Variants in ZNF718 observed in about 807,000 individuals in gnomAD.
ZNF718 encodes the protein zinc finger protein 718.
ZNF718 carries 3 observed loss-of-function variants against 2.6 expected under a neutral mutation model. The observed-to-expected ratio is 1.16, with a 90% confidence interval of 0.53 to 3.01. ZNF718 has a LOEUF of 3.01. Among genes scored for constraint, ZNF718 ranks in the 30% most tolerant of loss-of-function variants. The pLI, the probability that ZNF718 is intolerant of heterozygous loss-of-function variation, is 0.03. For synonymous variants in ZNF718, 135 were observed against 77.9 expected (o/e 1.73, Z -3.86); for missense variants, 468 against 230.0 (o/e 2.03, Z -6.69).
At chr4:146,060 A>G (rs1304122889) in intron 3 of ZNF718, among the ~76,000 whole-genome samples, 1 of 140,046 alleles carries the variant, frequency 7.1e-6, no homozygotes, top group African/African-American at 2.7e-5. Context: ...ATGCACCATA[A>G]TTAGTGATAT....
downstream of ZNF718, among the ~76,000 whole-genome samples, chr4:165,756 G>A (rs570064592): frequency 8.5e-5 from 13 of 152,280 alleles, no homozygotes; most frequent in East Asian, 7.7e-4. Flanking sequence ...CTGAGATGGC[G>A]TCACTGCACT....
In ZNF718 at chr4:124,658, C is replaced by G. The variant is rs1340945034; in HGVS notation, c.-13C>G. 2 of 1,608,636 alleles carry G rather than the reference C, an allele frequency of 1.2e-6. No homozygotes were observed. The highest frequency in any genetic ancestry group is 8.5e-7 in the Non-Finnish European group (1 of 1,179,738). ...TCGTATCTAAGACTCTGGGACACTC[C>G]TGAAGTCGGGAAATGGTGAGTGTGC... On this transcript the variant is annotated 5_prime_UTR_variant, in exon 1 of 4. Coordinates refer to ENST00000510175, the MANE Select transcript of ZNF718 (RefSeq NM_001039127.6).
At chr4:140,059 G>A (rs559328077) in intron 3 of ZNF718, among the ~76,000 whole-genome samples, 3 of 151,980 alleles carry the variant, frequency 2.0e-5, no homozygotes, top group Non-Finnish European at 4.4e-5. Context: ...CGATCCCTAT[G>A]TGTGGCGCAG....
chr4:135,039 C>G (rs962915832), intron 3 of ZNF718, among the ~76,000 whole-genome samples: 1 of 152,074 alleles, frequency 6.6e-6, no homozygotes, highest in Admixed American at 6.5e-5. Context: ...GTCAAGAGAT[C>G]AAGACCATCC....
At chr4:181,096 A>C (rs144942245) in intron 3 of ZNF718, among the ~76,000 whole-genome samples, 112 of 149,934 alleles carry the variant, frequency 7.5e-4, no homozygotes, top group African/African-American at 2.6e-3. Flanking sequence ...ATTGTGGCAC[A>C]CTGCAGCCTC....
Position 137,659 on chromosome 4 carries a change from C to T in ZNF718, c.226+6154C>T, listed in dbSNP as rs192008580. ...TTTATTCTTTGGAGAAACATTTTCACCTCCTGTTCATTTGTTAATCATATT... is the reference window on the plus strand; with the variant it reads ...TTTATTCTTTGGAGAAACATTTTCATCTCCTGTTCATTTGTTAATCATATT... On this transcript the variant is annotated intron_variant, in intron 3 of 3. Transcript: ENST00000510175. Among the ~76,000 whole-genome samples the T allele has an allele frequency of 2.1e-3, 325 of 152,160 alleles. 1 individual carries two copies. The highest frequency in any genetic ancestry group is 2.5e-3 in the Non-Finnish European group (172 of 68,002).
rs1181015749 is a variant in ZNF718, at chr4:127,147, TTTC to T, written c.3+2475_3+2477del. Among the ~76,000 whole-genome samples the T allele has an allele frequency of 5.5e-5, 2 of 36,504 alleles. 1 individual carries two copies. The highest frequency in any genetic ancestry group is 7.2e-3 in the East Asian group (2 of 276). The allele number at this position is 36,504 out of a possible 152,430, so 23.9% of individuals were successfully genotyped here. A position where few individuals can be genotyped will look rare whatever the true frequency, so the allele number is the denominator to read the frequency against. ...CTGAAAATTTTTCTTTTAGTCATAT[TTTC>T]CATGCACTGTTTAGAAGTACTGGAC... On this transcript the variant is annotated intron_variant, in intron 1 of 3. Transcript: ENST00000510175.
At chr4:189,612 A>G (rs1717653686) in intron 3 of ZNF718, among the ~76,000 whole-genome samples, 1 of 152,102 alleles carries the variant, frequency 6.6e-6, no homozygotes, top group South Asian at 2.1e-4. Context: ...TGAAGGTTTT[A>G]TTTATTTTTC....
rs1363001080 is a variant in ZNF718, at chr4:133,004, C to G, written c.226+1499C>G. Among the ~76,000 whole-genome samples, 2 of 94,102 alleles carry G rather than the reference C, an allele frequency of 2.1e-5. 1 individual carries two copies. The highest frequency in any genetic ancestry group is 2.4e-4 in the Admixed American group (2 of 8,272). 61.7% of individuals were successfully genotyped at this position (94,102 alleles called of 152,430 possible). ...CCAGCCTGGCAAGCATGGTGAAACC[C>G]CATCTCTACTAAAAATACAAAAATT... On this transcript the variant is annotated intron_variant, in intron 3 of 3. Coordinates refer to ENST00000510175, the MANE Select transcript of ZNF718 (RefSeq NM_001039127.6).
intron 3 of ZNF718, among the ~76,000 whole-genome samples, chr4:134,097 C>T (rs1715448459): frequency 6.6e-6 from 1 of 152,178 alleles, no homozygotes; most frequent in Admixed American, 6.5e-5. Flanking sequence ...ATTTTCCACC[C>T]TCAGGCACTA....
downstream of ZNF718, among the ~76,000 whole-genome samples, chr4:164,657 C>T (rs1225636213): frequency 2.0e-5 from 3 of 152,100 alleles, no homozygotes; most frequent in Admixed American, 2.0e-4. Context: ...AAGATGTTCA[C>T]AATGTGTGTG....
rs180949999 is a variant in ZNF718, at chr4:149,128, C to T, written c.227-11784C>T. On this transcript the variant is annotated intron_variant, in intron 3 of 3. Transcript: ENST00000510175. Reference sequence around the variant, plus strand: ...ATTCTGCCATCTTGCTATGTCACTCCCCTTGTATGTTTCACTTTCTGATAT... The same window carrying T: ...ATTCTGCCATCTTGCTATGTCACTCTCCTTGTATGTTTCACTTTCTGATAT... Among the ~76,000 whole-genome samples, 43 of 152,202 alleles carry T rather than the reference C, an allele frequency of 2.8e-4. 1 individual carries two copies. The East Asian group carries it at 6.8e-3, about 24-fold the overall frequency.
At chr4:134,296 G>A (rs552524393) in intron 3 of ZNF718, among the ~76,000 whole-genome samples, 6 of 151,992 alleles carry the variant, frequency 3.9e-5, no homozygotes, top group Admixed American at 2.0e-4. Flanking sequence ...ACAGGTGCCC[G>A]CCACCACGCC....
chr4:167,216 GTTT>G (rs1553817055), downstream of ZNF718, among the ~76,000 whole-genome samples: 2 of 152,096 alleles, frequency 1.3e-5, no homozygotes, highest in Non-Finnish European at 2.9e-5. Context: ...CTATATCTCT[GTTT>G]TGGTACCAGT....
chr4:124,543 A>G lies in ZNF718; in HGVS notation c.-128A>G, dbSNP rs1302231526. On this transcript the variant is annotated 5_prime_UTR_variant, in exon 1 of 4. Coordinates refer to ENST00000510175, the MANE Select transcript of ZNF718 (RefSeq NM_001039127.6). ...CCAGCCAGAGCTCGGTTAGGGCCTC[A>G]TCGCTCTGCTCCCGCTCCTTAGGGA... 12 of 1,385,310 alleles carry G rather than the reference A, an allele frequency of 8.7e-6. No individual in the cohort carries two copies. Among genetic ancestry groups the G allele is most frequent in the Admixed American group, 3.4e-5 (2 of 58,884 alleles). The allele number at this position is 1,385,310 out of a possible 1,614,324, so 85.8% of individuals were successfully genotyped here.
rs782047338 is a variant in ZNF718, at chr4:161,755, A to G, written c.1070A>G (p.His357Arg). The change falls in exon 4 of 4, where the codon CAT becomes CGT. Residue 357 changes from histidine to arginine, a missense_variant. Coordinates refer to ENST00000510175, the MANE Select transcript of ZNF718 (RefSeq NM_001039127.6). ...AATAGGTCCACAACTCTTACGACACATAAGAGAATCCATACTGGAGAGAAA... is the reference window on the plus strand; with the variant it reads ...AATAGGTCCACAACTCTTACGACACGTAAGAGAATCCATACTGGAGAGAAA... ...SFNRSTTLTT[H>R]KRIHTGEKPY... The G allele has an allele frequency of 7.7e-6, 6 of 780,490 alleles. No individual in the cohort carries two copies. The highest frequency in any genetic ancestry group is 4.0e-5 in the South Asian group (3 of 74,588). The allele number at this position is 780,490 out of a possible 1,614,324, so 48.3% of individuals were successfully genotyped here.
chr4:197,377 G>A (rs1553822209), intron 3 of ZNF718, among the ~76,000 whole-genome samples: 1 of 152,114 alleles, frequency 6.6e-6, no homozygotes, highest in Non-Finnish European at 1.5e-5. Context: ...CAAAGCTTGG[G>A]TCAGAACTGG....
intron 3 of ZNF718, among the ~76,000 whole-genome samples, chr4:133,403 C>G (rs187974182): frequency 6.6e-6 from 1 of 152,010 alleles, no homozygotes; most frequent in African/African-American, 2.4e-5. Context: ...CATCAACCAG[C>G]TTAGAACATT....
At position 162,071 on chromosome 4, in the gene ZNF718, G is replaced by C. The variant is rs1553815582; in HGVS notation, c.1386G>C (p.Gln462His). The C allele has an allele frequency of 1.3e-6, 1 of 773,508 alleles. No individual in the cohort carries two copies. The highest frequency in any genetic ancestry group is 1.7e-5 in the African/African-American group (1 of 58,808). The allele number at this position is 773,508 out of a possible 1,614,324, so 47.9% of individuals were successfully genotyped here. A position where few individuals can be genotyped will look rare whatever the true frequency, so the allele number is the denominator to read the frequency against. The change falls in exon 4 of 4, where the codon CAG becomes CAC. Residue 462 changes from glutamine to histidine, a missense_variant. Transcript: ENST00000510175. ...AAGAATGCGGGAAAGCTTTTAAGCA[G>C]TACTCCAACCTTCCTCAACATAAGA... is the stretch of plus-strand genomic sequence containing the variant. The part of the protein sequence containing the change: ...KCKECGKAFK[Q>H]YSNLPQHKRT...
Sources: allele counts gnomAD v4.1 joint callset (sites outside exome capture counted in the v4.1 genomes callset), GRCh38; gene constraint gnomAD v4.1.1; transcripts MANE v1.5; gene names NCBI Gene and HGNC (gene_info 2026-07-23, HGNC 2026-07-21).